C8A: variants seen among roughly 807,000 people sequenced by gnomAD.
C8A encodes the protein complement C8 alpha chain, also known as complement component C8 alpha chain.
In C8A, 67 loss-of-function variants were observed where a neutral mutation model predicts 65.3. That is an observed-to-expected ratio of 1.03 (90% CI 0.84 to 1.26). The LOEUF (loss-of-function observed/expected upper bound fraction) is 1.26. Ranked by LOEUF, C8A falls within the 50% of genes most tolerant of loss-of-function variation. The pLI is 0.00. For missense variants in C8A, 781 were observed against 723.9 expected (o/e 1.08, Z -0.90); for synonymous variants, 290 against 259.4 (o/e 1.12, Z -1.13).
At position 56,881,610 on chromosome 1, in the gene C8A, C is replaced by CA; in HGVS notation, c.632dup (p.Asn211LysfsTer8). 1 of 1,613,416 alleles carries CA rather than the reference C, an allele frequency of 6.2e-7. No individual in the cohort carries two copies. The highest frequency in any genetic ancestry group is 8.5e-7 in the Non-Finnish European group (1 of 1,179,714). ...ATGAGAAATACTTTCGGAAACCCTA[C>CA]AACTTTCTGAAGTACCACTTTGAAG... On this transcript the variant is annotated frameshift_variant, in exon 5 of 11. Coordinates refer to ENST00000361249, the MANE Select transcript of C8A (RefSeq NM_000562.3). LOFTEE classifies it high-confidence loss of function.
In C8A at chr1:56,912,578, G is replaced by A. The variant is rs747189437; in HGVS notation, c.1556G>A (p.Cys519Tyr). Reference protein sequence around the residue: ...ILEGTSCRCQCRLGSLGAACE... With the variant: ...ILEGTSCRCQYRLGSLGAACE... ...GAGGGCACCAGCTGCAGGTGCCAGT[G>A]CCGCCTGGGTAGCTTGGGTGCTGCC... Residue 519 changes from cysteine (C) to tyrosine (Y), a missense_variant, in exon 10 of 11, where the codon TGC becomes TAC. Physicochemically the swap from Cys to Tyr is radical, Grantham distance 194. Transcript: ENST00000361249. 3 of 1,614,132 alleles carry A rather than the reference G, an allele frequency of 1.9e-6. No individual in the cohort carries two copies. In the South Asian group the frequency reaches 3.3e-5, roughly 18 times the overall value.
chr1:56,897,785 C>T (rs1214159914), intron 7 of C8A, among the ~76,000 whole-genome samples: 1 of 152,122 alleles, frequency 6.6e-6, no homozygotes, highest in Non-Finnish European at 1.5e-5. Context: ...AAACCGTATT[C>T]GTAATCTAAT....
chr1:56,879,890 T>C (rs555856208), intron 4 of C8A, among the ~76,000 whole-genome samples: 39 of 152,312 alleles, frequency 2.6e-4, no homozygotes, highest in Non-Finnish European at 4.6e-4. Context: ...GTTTATCCCC[T>C]GCTCCTTTCC....
intron 9 of C8A, among the ~76,000 whole-genome samples, chr1:56,910,964 A>G (rs893897941): frequency 1.1e-4 from 16 of 151,606 alleles, no homozygotes; most frequent in African/African-American, 3.7e-4. Context: ...CCTTAAAATG[A>G]GAGATCTGGA....
At chr1:56,913,886 A>T (rs1045820021) in intron 10 of C8A, among the ~76,000 whole-genome samples, 2 of 152,204 alleles carry the variant, frequency 1.3e-5, no homozygotes, top group Non-Finnish European at 2.9e-5. Context: ...AAACAGGCCA[A>T]CCATTAGTCC....
chr1:56,908,964 G>A (rs1644487305), intron 9 of C8A, among the ~76,000 whole-genome samples: 1 of 152,108 alleles, frequency 6.6e-6, no homozygotes, highest in African/African-American at 2.4e-5. Flanking sequence ...CCCACAGTGG[G>A]GCAAGGAGGT....
chr1:56,903,021 C>G (rs1044510180), intron 7 of C8A, among the ~76,000 whole-genome samples: 26 of 152,140 alleles, frequency 1.7e-4, no homozygotes, highest in Non-Finnish European at 3.1e-4. Flanking sequence ...ATCTAAAACT[C>G]TAAGGCCTTT....
At chr1:56,881,258 A>G (rs537684244) in intron 4 of C8A, among the ~76,000 whole-genome samples, 187 bp from the exon 5 acceptor site, 2 of 152,326 alleles carry the variant, frequency 1.3e-5, no homozygotes, top group Non-Finnish European at 2.9e-5. Context: ...CTCTCCTAAA[A>G]GCTGCTTTTG....
At chr1:56,892,270 T>C (rs1644352411) in intron 7 of C8A, among the ~76,000 whole-genome samples, 1 of 152,114 alleles carries the variant, frequency 6.6e-6, no homozygotes, top group Non-Finnish European at 1.5e-5. Flanking sequence ...CCCAGTTTAC[T>C]TGACATAGAG....
In C8A at chr1:56,857,229, A is replaced by G. The variant is rs538331705; in HGVS notation, c.77+2251A>G. On this transcript the variant is annotated intron_variant, in intron 1 of 10. Coordinates refer to ENST00000361249, the MANE Select transcript of C8A (RefSeq NM_000562.3). ...TGAGAAAAGAATGTTGCAATCTCCA[A>G]CTGTATTTGTGGATTTGCCTACTTA... 3.3e-5 allele frequency among the ~76,000 whole-genome samples: 5 copies of G among 151,588 alleles called. No homozygotes were observed. In the East Asian group the frequency reaches 9.7e-4, roughly 29 times the overall value.
At chr1:56,904,884 C>T (rs1356336120) in intron 7 of C8A, among the ~76,000 whole-genome samples, 1 of 152,152 alleles carries the variant, frequency 6.6e-6, no homozygotes, top group East Asian at 1.9e-4. Context: ...ACGTGGCAGG[C>T]TGTTGCCAGA....
chr1:56,916,360 G>A (rs1644552791), intron 10 of C8A, among the ~76,000 whole-genome samples: 1 of 152,194 alleles, frequency 6.6e-6, no homozygotes, highest in South Asian at 2.1e-4. Flanking sequence ...ATGGAGACTG[G>A]GCTGGCAAGG....
rs1458355056 is a variant in C8A, at chr1:56,876,209, G to C, written c.464G>C (p.Gly155Ala). The C allele has an allele frequency of 1.2e-6, 2 of 1,613,644 alleles. No individual in the cohort carries two copies. The highest frequency in any genetic ancestry group is 2.7e-5 in the African/African-American group (2 of 74,872). The change falls in exon 4 of 11, where the codon GGG (glycine) becomes GCG (alanine). Residue 155 changes from glycine to alanine, a missense_variant and splice_region_variant. Coordinates refer to ENST00000361249, the MANE Select transcript of C8A (RefSeq NM_000562.3). ...PIPGSQKAAL[G>A]YNILTQEDAQ... ...CCAGGATCACAGAAGGCAGCCTTGGGGTGAGGCCCTGCCTACTAGCTATTT... is the reference window on the plus strand; with the variant it reads ...CCAGGATCACAGAAGGCAGCCTTGGCGTGAGGCCCTGCCTACTAGCTATTT...
At chr1:56,861,879 C>A (rs758231605) in intron 1 of C8A, among the ~76,000 whole-genome samples, 53 of 152,134 alleles carry the variant, frequency 3.5e-4, no homozygotes, top group African/African-American at 8.4e-4. Context: ...GACTTTCTGA[C>A]CTTCTAGCCT....
chr1:56,915,798 C>T (rs1223757270), intron 10 of C8A, among the ~76,000 whole-genome samples: 3 of 152,168 alleles, frequency 2.0e-5, no homozygotes, highest in Non-Finnish European at 2.9e-5. Context: ...ATCTCTTAAA[C>T]ATTACACCCT....
At chr1:56,917,457 A>T in intron 10 of C8A, 108 bp from the exon 11 acceptor site, 1 of 1,126,654 alleles carries the variant, frequency 8.9e-7, no homozygotes, top group South Asian at 1.3e-5. Context: ...AGGGGAGGCC[A>T]GTTCCTCTCC....
intron 6 of C8A, among the ~76,000 whole-genome samples, chr1:56,884,666 C>G (rs1241046605): frequency 6.6e-6 from 1 of 152,168 alleles, no homozygotes; most frequent in South Asian, 2.1e-4. Context: ...TCCATCATCA[C>G]TTTGAATCAA....
At chr1:56,905,182 G>T (rs1644454144) in intron 7 of C8A, among the ~76,000 whole-genome samples, 1 of 152,206 alleles carries the variant, frequency 6.6e-6, no homozygotes, top group Non-Finnish European at 1.5e-5. Context: ...GGTGCTCAGA[G>T]CATCACTTTC....
chr1:56,890,548 C>T (rs955529169), intron 7 of C8A, among the ~76,000 whole-genome samples: 1 of 152,104 alleles, frequency 6.6e-6, no homozygotes. Flanking sequence ...ACCTGTTCTC[C>T]CTCTATTACT....
Sources: allele counts gnomAD v4.1 joint callset (sites outside exome capture counted in the v4.1 genomes callset), GRCh38; gene constraint gnomAD v4.1.1; transcripts MANE v1.5; gene names NCBI Gene and HGNC (gene_info 2026-07-23, HGNC 2026-07-21).